The following LMO7 variants were observed in gnomAD, a reference collection of about 807,000 sequenced individuals.
LMO7 encodes the protein LIM domain only protein 7.
A neutral mutation model predicts 206.5 loss-of-function variants in LMO7; 120 were observed. The observed-to-expected ratio is 0.58, with a 90% confidence interval of 0.50 to 0.68. The LOEUF (loss-of-function observed/expected upper bound fraction) is 0.68, where lower values mean the gene tolerates loss of function less well. LMO7 is among the 30% of genes least tolerant of loss of function. LMO7 has a pLI of 0.00. For synonymous variants in LMO7, 706 were observed against 681.5 expected (o/e 1.04, Z -0.56); for missense variants, 1,959 against 1,957.9 (o/e 1.00, Z -0.01).
chr13:75,719,060 A>T (rs1329955279), intron 2 of LMO7, among the ~76,000 whole-genome samples: 12 of 150,424 alleles, frequency 8.0e-5, no homozygotes, highest in African/African-American at 2.5e-4. Context: ...GCTTACTGCA[A>T]CCTCCGTCTC....
chr13:75,774,437 T>C (rs1167271812), intron 4 of LMO7, among the ~76,000 whole-genome samples: 2 of 152,172 alleles, frequency 1.3e-5, no homozygotes, highest in Non-Finnish European at 2.9e-5. Flanking sequence ...TGTTCACCAG[T>C]TGATGGACAT....
intron 2 of LMO7, chr13:75,627,970 C>A (rs1054948509): frequency 1.3e-5 from 2 of 150,056 alleles, no homozygotes; most frequent in African/African-American, 2.4e-5. Context: ...AAAAAAAACA[C>A]AAAAACCTCA....
chr13:75,781,621 A>G (rs1244926582), intron 4 of LMO7, among the ~76,000 whole-genome samples: 1 of 151,758 alleles, frequency 6.6e-6, no homozygotes, highest in African/African-American at 2.4e-5. Context: ...AGCATGATTT[A>G]TAATCCTTTG....
chr13:75,855,297 A>G lies in LMO7; in HGVS notation c.4699A>G (p.Asn1567Asp). ...GAAGCGCATATGCTCCTACTGCAAT[A>G]ACATTCTGGGCAAAGGAGCCGCCAT... is the stretch of plus-strand genomic sequence containing the variant. ...SGKRICSYCN[N>D]ILGKGAAMII... The change falls in exon 29 of 31, where the codon AAC becomes GAC. Residue 1567 changes from asparagine to aspartate, a missense_variant. Coordinates refer to ENST00000377534, the MANE Select transcript of LMO7 (RefSeq NM_001306080.2). 1.9e-6 allele frequency: 3 copies of G among 1,613,946 alleles called. No individual in the cohort carries two copies. Among genetic ancestry groups the G allele is most frequent in the Non-Finnish European group, 2.5e-6 (3 of 1,179,806 alleles).
At chr13:75,832,011 A>G (rs964640795) in intron 15 of LMO7, among the ~76,000 whole-genome samples, 3 of 152,172 alleles carry the variant, frequency 2.0e-5, no homozygotes, top group Non-Finnish European at 1.5e-5. Flanking sequence ...TTAACTGCCA[A>G]GTTAAAATGG....
At chr13:75,777,348 A>G (rs1280515710) in intron 4 of LMO7, among the ~76,000 whole-genome samples, 2 of 152,256 alleles carry the variant, frequency 1.3e-5, no homozygotes, top group African/African-American at 4.8e-5. Context: ...TGTTCATGCT[A>G]TTCCACATTT....
chr13:75,852,127 T>G (rs1270935402), intron 27 of LMO7, among the ~76,000 whole-genome samples: 1 of 152,164 alleles, frequency 6.6e-6, no homozygotes, highest in Non-Finnish European at 1.5e-5. Context: ...AGGATAAGTA[T>G]CAATCTTCTT....
rs545843549 is a variant in LMO7 at position 75,623,880 on chromosome 13, T to A, written c.225+560T>A. Among the ~76,000 whole-genome samples the A allele has an allele frequency of 3.3e-5, 5 of 152,318 alleles. No individual in the cohort carries two copies. In the East Asian group the frequency reaches 7.7e-4, roughly 24 times the overall value. The stretch of plus-strand genomic sequence containing the variant: ...TAATGCTCTTTTTCCCAGCCTGTTC[T>A]ACTAGTGGGAGAATACAATCAGTTT... On this transcript the variant is annotated intron_variant, in intron 2 of 29. Transcript: ENST00000341547.
chr13:75,629,413 AT>A (rs2034628020), intron 2 of LMO7, among the ~76,000 whole-genome samples: 2 of 152,162 alleles, frequency 1.3e-5, no homozygotes, highest in South Asian at 4.1e-4. Flanking sequence ...AGGGGCTATG[AT>A]TGCATAAAGA....
At position 75,807,691 on chromosome 13, in the gene LMO7, G is replaced by C; in HGVS notation, c.1408G>C (p.Ala470Pro). ...TGATTTCTTTGTCAGAAAGACTGGG[G>C]CTTTCCATGCAAATCCATATGTTCT... Reference protein sequence around the residue: ...NDDFFVRKTGAFHANPYVLRA... With the variant: ...NDDFFVRKTGPFHANPYVLRA... Residue 470 changes from alanine (A) to proline (P), a missense_variant, in exon 10 of 31, where the codon GCT (alanine) becomes CCT (proline). Coordinates refer to ENST00000377534, the MANE Select transcript of LMO7 (RefSeq NM_001306080.2). 1 of 1,613,978 alleles carries C rather than the reference G, an allele frequency of 6.2e-7. No individual in the cohort carries two copies. Among genetic ancestry groups the C allele is most frequent in the Non-Finnish European group, 8.5e-7 (1 of 1,179,894 alleles).
At chr13:75,723,463 G>T (rs886151433) in intron 2 of LMO7, among the ~76,000 whole-genome samples, 1 of 152,086 alleles carries the variant, frequency 6.6e-6, no homozygotes, top group Admixed American at 6.6e-5. Context: ...AGCTCAAAAG[G>T]TGTCCATAAA....
intron 12 of LMO7, among the ~76,000 whole-genome samples, chr13:75,817,484 A>G (rs2057148693): frequency 6.6e-6 from 1 of 152,068 alleles, no homozygotes; most frequent in Non-Finnish European, 1.5e-5. Context: ...TGAAAAATAT[A>G]CCTGGATGTT....
intron 1 of LMO7, among the ~76,000 whole-genome samples, chr13:75,700,010 C>T (rs1471380423): frequency 6.6e-6 from 1 of 152,220 alleles, no homozygotes; most frequent in African/African-American, 2.4e-5. Context: ...AAAAAGAATT[C>T]AGTGATATTT....
chr13:75,746,172 G>A (rs2046823744), intron 3 of LMO7, among the ~76,000 whole-genome samples: 1 of 152,110 alleles, frequency 6.6e-6, no homozygotes, highest in Non-Finnish European at 1.5e-5. Flanking sequence ...AGTTTATTGA[G>A]TTAATAAATA....
At chr13:75,838,224 A>G in intron 20 of LMO7, 28 bp downstream of exon 20, 1 of 1,584,424 alleles carries the variant, frequency 6.3e-7, no homozygotes, top group Non-Finnish European at 8.7e-7. Flanking sequence ...CAATTCATGC[A>G]CTTTCATGGA....
chr13:75,710,146 C>A (rs1396621371), intron 1 of LMO7, among the ~76,000 whole-genome samples: 1 of 152,078 alleles, frequency 6.6e-6, no homozygotes, highest in Non-Finnish European at 1.5e-5. Context: ...CTGTTCTGTT[C>A]CATTGGTCTA....
chr13:75,700,055 T>C (rs1412434559), intron 1 of LMO7, among the ~76,000 whole-genome samples: 2 of 152,186 alleles, frequency 1.3e-5, no homozygotes, highest in Non-Finnish European at 2.9e-5. Flanking sequence ...GAAATATGAC[T>C]CTGTTCTGCC....
chr13:75,721,680 T>C (rs528968919), intron 2 of LMO7, among the ~76,000 whole-genome samples: 101 of 152,344 alleles, frequency 6.6e-4, no homozygotes, highest in Admixed American at 4.4e-3. Flanking sequence ...CCATGGTATA[T>C]GCATATATAC....
intron 11 of LMO7, among the ~76,000 whole-genome samples, chr13:75,810,267 T>A (rs936823117): frequency 1.3e-5 from 2 of 152,220 alleles, no homozygotes; most frequent in African/African-American, 4.8e-5. Flanking sequence ...ATGACAGATG[T>A]TTTAATCTGC....
Sources: allele counts gnomAD v4.1 joint callset (sites outside exome capture counted in the v4.1 genomes callset), GRCh38; gene constraint gnomAD v4.1.1; transcripts MANE v1.5; gene names NCBI Gene and HGNC (gene_info 2026-07-23, HGNC 2026-07-21).